MSRA: variants seen among roughly 807,000 people sequenced by gnomAD.
MSRA encodes methionine sulfoxide reductase A, also known as mitochondrial peptide methionine sulfoxide reductase.
MSRA carries 54 observed loss-of-function variants against 31.3 expected under a neutral mutation model. That is an observed-to-expected ratio of 1.73 (90% CI 1.39 to 2.17). MSRA has a LOEUF of 2.17. Among genes scored for constraint, MSRA ranks in the 30% most tolerant of loss-of-function variants. The pLI, the probability that MSRA is intolerant of heterozygous loss-of-function variation, is 0.00. For synonymous variants in MSRA, 169 were observed against 116.5 expected (o/e 1.45, Z -2.90); for missense variants, 507 against 300.9 (o/e 1.69, Z -5.07).
At chr8:10,207,753 C>T (rs1194380225) in intron 1 of MSRA, 80 bp from the exon 2 acceptor site, 17 of 1,268,274 alleles carry the variant, frequency 1.3e-5, no homozygotes, top group Non-Finnish European at 1.9e-5. Flanking sequence ...GAAATAGGCT[C>T]ATTGACACAT....
In MSRA at chr8:10,428,243, C is replaced by CG. The variant is rs1563471859; in HGVS notation, c.639_640insG (p.Lys214GlufsTer21). 1.9e-6 allele frequency: 3 copies of CG among 1,614,064 alleles called. No homozygotes were observed. Among genetic ancestry groups the CG allele is most frequent in the South Asian group, 1.1e-5 (1 of 91,092 alleles). Reference sequence around the variant, plus strand: ...AAGACTACCACCAGCAGTACCTGAGCAAGAACCCCAATGGCTACTGCGGCC... The same window carrying CG: ...AAGACTACCACCAGCAGTACCTGAGCGAAGAACCCCAATGGCTACTGCGGCC... On this transcript the variant is annotated frameshift_variant, in exon 6 of 6. Transcript: ENST00000317173. LOFTEE classifies it high-confidence loss of function.
At chr8:10,252,551 A>G (rs1797972353) in intron 3 of MSRA, among the ~76,000 whole-genome samples, 1 of 152,178 alleles carries the variant, frequency 6.6e-6, no homozygotes, top group Non-Finnish European at 1.5e-5. Context: ...GGAGCCCAGG[A>G]CTTAGGACTA....
chr8:10,074,968 T>A (rs914683937), intron 1 of MSRA, among the ~76,000 whole-genome samples: 1 of 152,182 alleles, frequency 6.6e-6, no homozygotes, highest in Non-Finnish European at 1.5e-5. Flanking sequence ...ACCCTGTACT[T>A]CTTTTTTCTC....
At chr8:10,330,815 C>G (rs1337853163) in intron 5 of MSRA, among the ~76,000 whole-genome samples, 2 of 152,180 alleles carry the variant, frequency 1.3e-5, no homozygotes, top group Admixed American at 1.3e-4. Flanking sequence ...TGAAGTGATA[C>G]AGCATATAAA....
At chr8:10,102,261 G>A (rs1357228248) in intron 1 of MSRA, among the ~76,000 whole-genome samples, 1 of 152,102 alleles carries the variant, frequency 6.6e-6, no homozygotes, top group Non-Finnish European at 1.5e-5. Context: ...TCCAAGACTT[G>A]GAGGATGTGA....
intron 1 of MSRA, among the ~76,000 whole-genome samples, chr8:10,087,417 G>A (rs577156454): frequency 2.6e-4 from 40 of 152,306 alleles, no homozygotes; most frequent in African/African-American, 8.7e-4. Context: ...CTCATGCCTG[G>A]CAAGTAGTGG....
intron 5 of MSRA, among the ~76,000 whole-genome samples, chr8:10,339,219 T>C (rs1450228495): frequency 2.0e-5 from 3 of 152,226 alleles, no homozygotes; most frequent in Non-Finnish European, 2.9e-5. Context: ...GCGATGATGT[T>C]GGAGTTGCAG....
chr8:10,423,523 G>T (rs934283020), intron 5 of MSRA, among the ~76,000 whole-genome samples: 4 of 151,888 alleles, frequency 2.6e-5, no homozygotes, highest in Admixed American at 6.6e-5. Flanking sequence ...GGGAGGGGGG[G>T]TGGCAGCAGA....
intron 1 of MSRA, among the ~76,000 whole-genome samples, chr8:10,133,436 G>A (rs1585222353): frequency 6.6e-6 from 1 of 152,296 alleles, no homozygotes; most frequent in East Asian, 1.9e-4. Flanking sequence ...CAGCGACAAG[G>A]ACCAGGCCGT....
chr8:10,222,377 A>G (rs1324756149), intron 2 of MSRA, among the ~76,000 whole-genome samples: 5 of 152,192 alleles, frequency 3.3e-5, no homozygotes, highest in African/African-American at 1.2e-4. Context: ...AAAGATGGCA[A>G]GTGTTGGTGA....
chr8:10,135,019 A>C (rs965423422), intron 1 of MSRA, among the ~76,000 whole-genome samples: 2 of 152,202 alleles, frequency 1.3e-5, no homozygotes, highest in Non-Finnish European at 2.9e-5. Context: ...CATTTTGTGT[A>C]ATATCTGACC....
intron 1 of MSRA, among the ~76,000 whole-genome samples, chr8:10,111,116 G>T (rs1223284845): frequency 1.3e-5 from 2 of 152,214 alleles, no homozygotes; most frequent in South Asian, 4.2e-4. Flanking sequence ...AGGACAAAAG[G>T]GTTTCCGTGT....
At chr8:10,242,390 G>C (rs762756115) in intron 2 of MSRA, among the ~76,000 whole-genome samples, 1 of 152,170 alleles carries the variant, frequency 6.6e-6, no homozygotes, top group Non-Finnish European at 1.5e-5. Context: ...TACTGTGAAA[G>C]TCAGATAACG....
intron 5 of MSRA, among the ~76,000 whole-genome samples, chr8:10,322,676 G>C (rs1802112836): frequency 6.6e-6 from 1 of 152,076 alleles, no homozygotes; most frequent in Non-Finnish European, 1.5e-5. Context: ...TGAAACACAG[G>C]GCCTAGCACA....
chr8:10,101,219 A>T (rs1393616298), intron 1 of MSRA, among the ~76,000 whole-genome samples: 1 of 152,206 alleles, frequency 6.6e-6, no homozygotes, highest in Non-Finnish European at 1.5e-5. Flanking sequence ...TCTGCAGAAC[A>T]GGGATCATGG....
At chr8:10,353,686 G>T in intron 5 of MSRA, 1 of 456,162 alleles carries the variant, frequency 2.2e-6, no homozygotes, top group Non-Finnish European at 4.4e-6. Context: ...TGAGTATAGG[G>T]ACTCTCCTTG....
At chr8:10,166,706 A>G (rs936359978) in intron 1 of MSRA, among the ~76,000 whole-genome samples, 1 of 152,100 alleles carries the variant, frequency 6.6e-6, no homozygotes, top group African/African-American at 2.4e-5. Context: ...TCACTTGATC[A>G]TACTTTTACA....
At chr8:10,361,953 C>G (rs1037161581) in intron 5 of MSRA, among the ~76,000 whole-genome samples, 5 of 152,206 alleles carry the variant, frequency 3.3e-5, no homozygotes, top group South Asian at 4.2e-4. Flanking sequence ...AAATCGTTTC[C>G]TTCTCATGAT....
chr8:10,074,643 C>A (rs1448300117), intron 1 of MSRA, among the ~76,000 whole-genome samples: 2 of 151,898 alleles, frequency 1.3e-5, no homozygotes, highest in Non-Finnish European at 2.9e-5. Flanking sequence ...TGATAATACA[C>A]CCCTTCTTCT....
Sources: allele counts gnomAD v4.1 joint callset (sites outside exome capture counted in the v4.1 genomes callset), GRCh38; gene constraint gnomAD v4.1.1; transcripts MANE v1.5; gene names NCBI Gene and HGNC (gene_info 2026-07-23, HGNC 2026-07-21).